The following COL25A1 variants were observed in gnomAD, a reference collection of about 807,000 sequenced individuals.
COL25A1 encodes collagen alpha-1(XXV) chain.
A neutral mutation model predicts 128.4 loss-of-function variants in COL25A1; 103 were observed. The observed-to-expected ratio is 0.80, with a 90% confidence interval of 0.68 to 0.94. The LOEUF (loss-of-function observed/expected upper bound fraction) is 0.94, where lower values mean the gene tolerates loss of function less well. Among genes scored for constraint, COL25A1 ranks in the 40% least tolerant of loss-of-function variants. The probability of loss-of-function intolerance (pLI) is 0.00; values close to 1 mark genes in which losing one functional copy is unlikely to be tolerated. For synonymous variants in COL25A1, 279 were observed against 277.2 expected (o/e 1.01, Z -0.06); for missense variants, 745 against 840.0 (o/e 0.89, Z 1.40).
intron 6 of COL25A1, among the ~76,000 whole-genome samples, chr4:109,000,743 C>CAAAAAAAAA (rs1180104512): frequency 5.5e-5 from 2 of 36,424 alleles, no homozygotes; most frequent in African/African-American, 1.7e-4. Context: ...GAGACTCTGT[C>CAAAAAAAAA]AAAAAAAAAA....
At chr4:108,819,390 T>G in intron 35 of COL25A1, 61 bp from the exon 36 acceptor site, 1 of 1,383,104 alleles carries the variant, frequency 7.2e-7, no homozygotes, top group Non-Finnish European at 1.0e-6. Context: ...GCACAAATTC[T>G]GCGAAAGAAG....
chr4:109,104,401 A>ACTCTCTCTCTCT (rs112054758), intron 3 of COL25A1, among the ~76,000 whole-genome samples: 17 of 149,972 alleles, frequency 1.1e-4, no homozygotes, highest in South Asian at 6.4e-4. Flanking sequence ...AAAGGAAATC[A>ACTCTCTCTCTCT]CTCTCTCTCT....
chr4:108,838,716 T>C (rs1578500623), intron 31 of COL25A1, among the ~76,000 whole-genome samples: 3 of 152,310 alleles, frequency 2.0e-5, no homozygotes, highest in South Asian at 4.1e-4. Flanking sequence ...GTCAGATCCC[T>C]ACATGGACTA....
chr4:108,954,198 A>G (rs1453539149), intron 8 of COL25A1, among the ~76,000 whole-genome samples: 1 of 152,140 alleles, frequency 6.6e-6, no homozygotes, highest in African/African-American at 2.4e-5. Context: ...TTCTCTGGGA[A>G]TGTCAAAACC....
intron 3 of COL25A1, among the ~76,000 whole-genome samples, chr4:109,167,340 G>C (rs1197707463): frequency 6.6e-6 from 1 of 152,096 alleles, no homozygotes; most frequent in Non-Finnish European, 1.5e-5. Flanking sequence ...AGTTCTTTCT[G>C]AGTTATGCCC....
chr4:109,092,444 A>C (rs139205006), intron 3 of COL25A1, among the ~76,000 whole-genome samples: 3,058 of 152,266 alleles, frequency 0.02, 69 homozygotes, highest in Middle Eastern at 0.11. Context: ...AGCTATGGTC[A>C]TGCCACTGCA....
intron 18 of COL25A1, among the ~76,000 whole-genome samples, chr4:108,885,935 A>G (rs948793686): frequency 1.3e-5 from 2 of 152,210 alleles, no homozygotes; most frequent in African/African-American, 4.8e-5. Context: ...TGATTACTTT[A>G]AAGAAAGATA....
At chr4:109,222,017 C>A (rs1426514471) in intron 3 of COL25A1, among the ~76,000 whole-genome samples, 1 of 149,228 alleles carries the variant, frequency 6.7e-6, no homozygotes, top group Non-Finnish European at 1.5e-5. Flanking sequence ...AAAATAACAT[C>A]AACTATTAAG....
At chr4:108,971,638 G>A (rs944965005) in intron 8 of COL25A1, among the ~76,000 whole-genome samples, 3 of 152,172 alleles carry the variant, frequency 2.0e-5, no homozygotes, top group Non-Finnish European at 4.4e-5. Flanking sequence ...ACTAGTGTGA[G>A]ATGAACTGGT....
At chr4:109,073,437 C>T (rs559659067) in intron 3 of COL25A1, among the ~76,000 whole-genome samples, 33 of 152,310 alleles carry the variant, frequency 2.2e-4, no homozygotes, top group African/African-American at 7.7e-4. Context: ...CTGGCTCCTC[C>T]ACCTGGTGTG....
intron 3 of COL25A1, among the ~76,000 whole-genome samples, chr4:109,292,081 A>G (rs1463869112): frequency 1.3e-5 from 2 of 152,038 alleles, no homozygotes; most frequent in Non-Finnish European, 2.9e-5. Flanking sequence ...TTAATTTTCT[A>G]ATAGTGTCCT....
chr4:109,150,325 G>A (rs1771379721), intron 3 of COL25A1, among the ~76,000 whole-genome samples: 1 of 152,078 alleles, frequency 6.6e-6, no homozygotes, highest in South Asian at 2.1e-4. Flanking sequence ...TAAGGTCGTT[G>A]GCAGTTCTCT....
At chr4:109,269,540 G>A (rs1206523026) in intron 3 of COL25A1, among the ~76,000 whole-genome samples, 1 of 149,758 alleles carries the variant, frequency 6.7e-6, no homozygotes, top group Non-Finnish European at 1.5e-5. Flanking sequence ...CTAGTTTACA[G>A]TCCTACCAAC....
intron 8 of COL25A1, among the ~76,000 whole-genome samples, chr4:108,963,998 T>A (rs915337439): frequency 3.3e-5 from 5 of 151,052 alleles, no homozygotes; most frequent in Non-Finnish European, 7.4e-5. Flanking sequence ...GAAATCTCTT[T>A]ACTCCATAAA....
At chr4:109,142,887 TG>T (rs1461431440) in intron 3 of COL25A1, among the ~76,000 whole-genome samples, 3 of 152,212 alleles carry the variant, frequency 2.0e-5, no homozygotes, top group African/African-American at 7.2e-5. Flanking sequence ...GTCTTTTCAT[TG>T]GGGCATATAG....
chr4:108,994,340 G>A (rs564311397), intron 6 of COL25A1, among the ~76,000 whole-genome samples: 1 of 152,368 alleles, frequency 6.6e-6, no homozygotes, highest in African/African-American at 2.4e-5. Flanking sequence ...TGCCCATGGA[G>A]CCTTGCTCAC....
At chr4:109,089,256 G>T in intron 3 of COL25A1, among the ~76,000 whole-genome samples, 1 of 152,202 alleles carries the variant, frequency 6.6e-6, no homozygotes, top group Non-Finnish European at 1.5e-5. Context: ...CTGGCAAAAT[G>T]ATCAGGTTAT....
chr4:109,145,091 C>T (rs186844162), intron 3 of COL25A1, among the ~76,000 whole-genome samples: 50 of 125,744 alleles, frequency 4.0e-4, no homozygotes, highest in African/African-American at 1.4e-3. Flanking sequence ...TTTTTTGAGA[C>T]GGAGTCTCAC....
In COL25A1 at chr4:109,101,245, T is replaced by C. The variant is rs3113702; in HGVS notation, c.368-51066A>G. On this transcript the variant is annotated intron_variant, in intron 3 of 37. Coordinates refer to ENST00000399132, the MANE Select transcript of COL25A1 (RefSeq NM_198721.4). ...ACGTGTTTCACCAAATACTGTGTGA[T>C]TTCTCCATGACAGTAATGAGAGAGG... Among the ~76,000 whole-genome samples, 101 of 152,304 alleles carry C rather than the reference T, an allele frequency of 6.6e-4. 1 individual carries two copies. Among genetic ancestry groups the C allele is most frequent in the African/African-American group, 2.3e-3 (96 of 41,548 alleles).
Sources: gnomAD v4.1 joint callset for allele counts (sites outside exome capture counted in the v4.1 genomes callset) on GRCh38, gnomAD v4.1.1 for gene constraint, MANE v1.5 for transcripts, NCBI Gene and HGNC (gene_info 2026-07-23, HGNC 2026-07-21) for gene names.